Variants in NRXN1 observed in about 807,000 individuals in gnomAD.
The protein encoded by NRXN1 is neurexin-1.
NRXN1 carries 39 observed loss-of-function variants against 150.9 expected under a neutral mutation model. The ratio of observed to expected loss-of-function variants is 0.26; its 90% confidence interval spans 0.20 to 0.34. NRXN1 has a LOEUF of 0.34. Ranked by LOEUF, NRXN1 falls within the 10% of genes least tolerant of loss-of-function variation. The pLI is 1.00. For synonymous variants in NRXN1, 924 were observed against 757.0 expected (o/e 1.22, Z -3.62); for missense variants, 1,815 against 1,949.9 (o/e 0.93, Z 1.30).
At chr2:50,597,341 C>G (rs1217054084) in intron 8 of NRXN1, among the ~76,000 whole-genome samples, 4 of 152,292 alleles carry the variant, frequency 2.6e-5, no homozygotes, top group Admixed American at 6.5e-5. Context: ...ACTACAGCAG[C>G]CTGAGGATCT....
chr2:50,976,194 C>CT (rs576892115), intron 2 of NRXN1, among the ~76,000 whole-genome samples: 10,049 of 139,708 alleles, frequency 0.072, 365 homozygotes, highest in Admixed American at 0.099. Context: ...TTATGTTATT[C>CT]TTTTTTTTTT....
intron 2 of NRXN1, among the ~76,000 whole-genome samples, chr2:51,017,503 CTTTTTTTTTT>C (rs70958638): frequency 0.31 from 13,751 of 44,236 alleles, 1,996 homozygotes; most frequent in Non-Finnish European, 0.34. Context: ...CCACATCTGG[CTTTTTTTTTT>C]TTTTTTTTTT....
intron 18 of NRXN1, among the ~76,000 whole-genome samples, chr2:50,115,785 C>G (rs1702980158): frequency 6.6e-6 from 1 of 152,068 alleles, no homozygotes; most frequent in African/African-American, 2.4e-5. Context: ...ATTTCTTCAA[C>G]ACTACTAGTC....
intron 21 of NRXN1, among the ~76,000 whole-genome samples, chr2:50,002,131 A>G (rs1300895279): frequency 6.6e-6 from 1 of 151,996 alleles, no homozygotes; most frequent in Non-Finnish European, 1.5e-5. Flanking sequence ...GTCTAGTGAG[A>G]GCCAAGCAGA....
At chr2:50,978,599 T>G (rs1158877541) in intron 2 of NRXN1, among the ~76,000 whole-genome samples, 1 of 151,912 alleles carries the variant, frequency 6.6e-6, no homozygotes, top group African/African-American at 2.4e-5. Context: ...TCTTAGTGTT[T>G]TGCATACAAT....
chr2:50,463,381 C>T (rs181560490), intron 17 of NRXN1, among the ~76,000 whole-genome samples: 2 of 151,784 alleles, frequency 1.3e-5, no homozygotes, highest in East Asian at 1.9e-4. Flanking sequence ...GAAACTCCAA[C>T]GTATAAGCCA....
At chr2:50,913,164 T>C (rs1388573099) in intron 5 of NRXN1, among the ~76,000 whole-genome samples, 1 of 151,812 alleles carries the variant, frequency 6.6e-6, no homozygotes, top group African/African-American at 2.4e-5. Context: ...CACATCATTC[T>C]TTTAGGTCAG....
chr2:50,019,640 T>TAAAAAAA (rs1165089457), intron 21 of NRXN1, among the ~76,000 whole-genome samples: 3 of 6,000 alleles, frequency 5.0e-4, no homozygotes, highest in Non-Finnish European at 8.9e-4. Flanking sequence ...AGATTCCGTC[T>TAAAAAAA]CAAAAAAAAA....
chr2:50,217,640 G>A (rs1331339107), intron 18 of NRXN1, among the ~76,000 whole-genome samples: 1 of 151,910 alleles, frequency 6.6e-6, no homozygotes, highest in African/African-American at 2.4e-5. Context: ...AACAGTCCTA[G>A]GAAAGCGTGC....
intron 5 of NRXN1, among the ~76,000 whole-genome samples, chr2:50,756,752 T>A (rs1277159622): frequency 6.6e-6 from 1 of 151,716 alleles, no homozygotes; most frequent in Middle Eastern, 3.2e-3. Context: ...CACATCAAAA[T>A]TTTTTTTGTT....
chr2:50,791,604 C>A (rs919023644), intron 5 of NRXN1, among the ~76,000 whole-genome samples: 2 of 152,088 alleles, frequency 1.3e-5, no homozygotes, highest in African/African-American at 2.4e-5. Context: ...GAAGACTTTG[C>A]TGAAGAACAG....
At chr2:50,454,406 T>C (rs867232537) in intron 17 of NRXN1, among the ~76,000 whole-genome samples, 10 of 151,860 alleles carry the variant, frequency 6.6e-5, no homozygotes, top group African/African-American at 1.9e-4. Context: ...GTGAAGAAAA[T>C]AGAAAATGTT....
intron 19 of NRXN1, among the ~76,000 whole-genome samples, chr2:50,089,869 C>G (rs925178392): frequency 3.3e-5 from 5 of 151,984 alleles, no homozygotes; most frequent in Non-Finnish European, 7.4e-5. Flanking sequence ...ATGCAATAAT[C>G]TGGGATTAGC....
At chr2:50,318,686 C>T (rs1000040124) in intron 17 of NRXN1, among the ~76,000 whole-genome samples, 1 of 151,934 alleles carries the variant, frequency 6.6e-6, no homozygotes, top group Non-Finnish European at 1.5e-5. Flanking sequence ...ACTATTATTC[C>T]ATTTATATAA....
chr2:50,064,486 T>A (rs1460401545), intron 19 of NRXN1, among the ~76,000 whole-genome samples: 1 of 151,722 alleles, frequency 6.6e-6, no homozygotes, highest in African/African-American at 2.4e-5. Flanking sequence ...TTTGATTTGG[T>A]CAGGGGGAAA....
chr2:50,197,311 C>A (rs534143612), intron 18 of NRXN1, among the ~76,000 whole-genome samples: 125 of 152,136 alleles, frequency 8.2e-4, no homozygotes, highest in African/African-American at 2.8e-3. Flanking sequence ...AGTCTAAGAA[C>A]CATTCTTACA....
intron 17 of NRXN1, among the ~76,000 whole-genome samples, chr2:50,245,185 C>A (rs1046940995): frequency 6.6e-6 from 1 of 151,930 alleles, no homozygotes; most frequent in African/African-American, 2.4e-5. Context: ...CCCAGAGAGA[C>A]AAACTTGTTT....
In NRXN1 at chr2:50,569,369, G is replaced by C. The variant is rs982445203; in HGVS notation, c.1321-16344C>G. 3.9e-5 allele frequency among the ~76,000 whole-genome samples: 6 copies of C among 151,910 alleles called. No individual in the cohort carries two copies. The South Asian group carries it at 1.0e-3, about 26-fold the overall frequency. ...CCCAGTTACCTTCATGTGATCATTA[G>C]GCATTGCATACCTGTATCAAAATAT... On this transcript the variant is annotated intron_variant, in intron 8 of 22. Transcript: ENST00000401669.
chr2:49,957,139 T>C (rs1457569632), intron 21 of NRXN1, among the ~76,000 whole-genome samples: 3 of 152,168 alleles, frequency 2.0e-5, no homozygotes, highest in Admixed American at 1.3e-4. Flanking sequence ...GGAGCATGAA[T>C]GTTGGAGCTG....
Sources: gnomAD v4.1 joint callset for allele counts (sites outside exome capture counted in the v4.1 genomes callset) on GRCh38, gnomAD v4.1.1 for gene constraint, MANE v1.5 for transcripts, NCBI Gene and HGNC (gene_info 2026-07-23, HGNC 2026-07-21) for gene names.